Variants in UBE2H observed in about 807,000 individuals in gnomAD.
UBE2H encodes the protein ubiquitin-conjugating enzyme E2 H.
UBE2H carries 3 observed loss-of-function variants against 29.0 expected under a neutral mutation model. That is an observed-to-expected ratio of 0.10 (90% confidence interval 0.05 to 0.27). The LOEUF (loss-of-function observed/expected upper bound fraction) is 0.27, where lower values mean the gene tolerates loss of function less well. UBE2H is among the 10% of genes least tolerant of loss of function. UBE2H has a pLI of 1.00. For missense variants in UBE2H, 68 were observed against 228.2 expected, an observed-to-expected ratio of 0.30 and a Z score of 4.52; for synonymous variants, 69 against 82.9, an observed-to-expected ratio of 0.83 and a Z score of 0.91.
intron 5 of UBE2H, among the ~76,000 whole-genome samples, chr7:129,847,018 TA>T (rs1444122508): frequency 2.1e-5 from 3 of 144,452 alleles, no homozygotes; most frequent in South Asian, 4.3e-4. Flanking sequence ...TTATTATTAT[TA>T]TTATTATTAT....
Position 129,830,972 on chromosome 7 carries a change from T to C in UBE2H, c.*3965A>G, listed in dbSNP as rs1805215057. On this transcript the variant is annotated 3_prime_UTR_variant, in exon 7 of 7. Coordinates refer to ENST00000355621, the MANE Select transcript of UBE2H (RefSeq NM_003344.4). Reference sequence around the variant, plus strand: ...TTATCTTTTCAAGTATCACACAATATGTACCAAATACAATCTGTAAATAAT... The same window carrying C: ...TTATCTTTTCAAGTATCACACAATACGTACCAAATACAATCTGTAAATAAT... 6.6e-6 allele frequency: 1 copy of C among 151,808 alleles called. No homozygotes were observed. The highest frequency in any genetic ancestry group is 1.5e-5 in the Non-Finnish European group (1 of 67,958). The allele number at this position is 151,808 out of a possible 1,614,324, so 9.4% of individuals were successfully genotyped here.
rs1805236183 is a variant in UBE2H, at chr7:129,831,945, A to T, written c.*2992T>A. The T allele has an allele frequency of 6.6e-6, 1 of 152,320 alleles. No individual in the cohort carries two copies. The highest frequency in any genetic ancestry group is 6.5e-5 in the Admixed American group (1 of 15,280). 9.4% of individuals were successfully genotyped at this position (152,320 alleles called of 1,614,324 possible). On this transcript the variant is annotated 3_prime_UTR_variant, in exon 7 of 7. Transcript: ENST00000355621. ...GATCCAAAAACTATGGGCACTAAAA[A>T]GGGGAGGGAAACCGCCAGAAGTGGC...
intron 1 of UBE2H, among the ~76,000 whole-genome samples, chr7:129,944,891 C>T (rs1214033942): frequency 6.6e-6 from 1 of 151,458 alleles, no homozygotes; most frequent in Admixed American, 6.6e-5. Flanking sequence ...TGCCACCAAG[C>T]ATTAAGAGGT....
chr7:129,909,613 T>A (rs1167157853), intron 1 of UBE2H, among the ~76,000 whole-genome samples: 1 of 152,080 alleles, frequency 6.6e-6, no homozygotes, highest in Non-Finnish European at 1.5e-5. Flanking sequence ...CTTAGCACTT[T>A]GGGAGGCTGA....
chr7:129,891,540 A>G (rs1479640030), intron 1 of UBE2H, among the ~76,000 whole-genome samples: 1 of 152,206 alleles, frequency 6.6e-6, no homozygotes, highest in Non-Finnish European at 1.5e-5. Context: ...ATGGTAGCTC[A>G]CGCCTATAAT....
At position 129,834,645 on chromosome 7, in the gene UBE2H, G is replaced by A. The variant is rs1283201805; in HGVS notation, c.*292C>T. 7 of 230,110 alleles carry A rather than the reference G, an allele frequency of 3.0e-5. No individual in the cohort carries two copies. The highest frequency in any genetic ancestry group is 1.1e-4 in the Admixed American group (2 of 18,972). The allele number at this position is 230,110 out of a possible 1,614,324, so 14.3% of individuals were successfully genotyped here. A position where few individuals can be genotyped will look rare whatever the true frequency, so the allele number is the denominator to read the frequency against. ...ACCTATCAGAGCGGCTATTTCCTTC[G>A]ACAGTTCAGTAGCACACAGGCTGAC... On this transcript the variant is annotated 3_prime_UTR_variant, in exon 7 of 7. Coordinates refer to ENST00000355621, the MANE Select transcript of UBE2H (RefSeq NM_003344.4).
At chr7:129,847,620 C>T (rs1805535799) in intron 5 of UBE2H, among the ~76,000 whole-genome samples, 1 of 152,090 alleles carries the variant, frequency 6.6e-6, no homozygotes, top group Non-Finnish European at 1.5e-5. Flanking sequence ...GGATTACAGG[C>T]GTGAGCTACC....
chr7:129,923,309 C>T (rs1807203362), intron 1 of UBE2H, among the ~76,000 whole-genome samples: 1 of 152,116 alleles, frequency 6.6e-6, no homozygotes, highest in Middle Eastern at 3.2e-3. Flanking sequence ...TGGTTTTATT[C>T]ACAACTATGT....
At chr7:129,932,472 T>C (rs923800798) in intron 1 of UBE2H, among the ~76,000 whole-genome samples, 3 of 152,112 alleles carry the variant, frequency 2.0e-5, no homozygotes, top group African/African-American at 7.2e-5. Flanking sequence ...TTTTCTGTCA[T>C]GCACTGGCCA....
chr7:129,941,780 A>G (rs1417932488), intron 1 of UBE2H, among the ~76,000 whole-genome samples: 4 of 152,148 alleles, frequency 2.6e-5, no homozygotes, highest in Non-Finnish European at 5.9e-5. Context: ...CCATAAGATA[A>G]ATTGTTTATA....
intron 1 of UBE2H, among the ~76,000 whole-genome samples, chr7:129,947,857 A>AT (rs918709905): frequency 1.5e-3 from 226 of 147,194 alleles, no homozygotes; most frequent in Middle Eastern, 3.5e-3. Flanking sequence ...ACATATGAGG[A>AT]TTTTTTTTTT....
chr7:129,865,418 T>A (rs1310952471), intron 3 of UBE2H, among the ~76,000 whole-genome samples: 5 of 152,148 alleles, frequency 3.3e-5, no homozygotes. Flanking sequence ...TTCCCTTTAT[T>A]TGAGAGGATA....
intron 1 of UBE2H, among the ~76,000 whole-genome samples, chr7:129,944,508 C>T (rs1278796508): frequency 6.6e-6 from 1 of 152,136 alleles, no homozygotes; most frequent in African/African-American, 2.4e-5. Flanking sequence ...GTAATCCCAG[C>T]ACTTTGGGAG....
intron 1 of UBE2H, among the ~76,000 whole-genome samples, chr7:129,930,584 C>G (rs1224817702): frequency 6.6e-6 from 1 of 151,964 alleles, no homozygotes; most frequent in Non-Finnish European, 1.5e-5. Flanking sequence ...GCCTGGCCAA[C>G]ATGGTGAAAA....
chr7:129,894,380 G>A (rs999870856), intron 1 of UBE2H, among the ~76,000 whole-genome samples: 2 of 151,692 alleles, frequency 1.3e-5, no homozygotes, highest in African/African-American at 4.8e-5. Flanking sequence ...GGTCAAGGTT[G>A]CAGTGAACCA....
At chr7:129,880,607 A>T (rs767572396) in intron 2 of UBE2H, among the ~76,000 whole-genome samples, 5 of 152,326 alleles carry the variant, frequency 3.3e-5, no homozygotes, top group Non-Finnish European at 7.4e-5. Flanking sequence ...TTTAAAGGAC[A>T]TGGGAGGATG....
chr7:129,908,590 T>C (rs565397658), intron 1 of UBE2H, among the ~76,000 whole-genome samples: 4 of 152,342 alleles, frequency 2.6e-5, no homozygotes, highest in Admixed American at 2.0e-4. Flanking sequence ...GTTATGTAGA[T>C]TACTAAGCAG....
At chr7:129,905,408 G>A (rs1806795862) in intron 1 of UBE2H, among the ~76,000 whole-genome samples, 1 of 152,056 alleles carries the variant, frequency 6.6e-6, no homozygotes, top group African/African-American at 2.4e-5. Flanking sequence ...GATAGTATGG[G>A]ATCCCAGCTA....
intron 1 of UBE2H, among the ~76,000 whole-genome samples, chr7:129,946,688 C>T (rs1318109348): frequency 1.3e-5 from 2 of 152,076 alleles, no homozygotes; most frequent in Admixed American, 1.3e-4. Flanking sequence ...CTCTGTCCCC[C>T]GGGCTGGAGT....
Sources: gnomAD v4.1 joint callset for allele counts (sites outside exome capture counted in the v4.1 genomes callset) on GRCh38, gnomAD v4.1.1 for gene constraint, MANE v1.5 for transcripts, NCBI Gene and HGNC (gene_info 2026-07-23, HGNC 2026-07-21) for gene names.